Variants in ESR1 observed in about 807,000 individuals in gnomAD.
ESR1 encodes the protein estrogen receptor.
In ESR1, 12 loss-of-function variants were observed where a neutral mutation model predicts 52.7. The ratio of observed to expected loss-of-function variants is 0.23; its 90% CI spans 0.15 to 0.37. The LOEUF (loss-of-function observed/expected upper bound fraction) is 0.37, where lower values mean the gene tolerates loss of function less well. ESR1 is among the 10% of genes least tolerant of loss of function. ESR1 has a pLI of 1.00. For synonymous variants in ESR1, 305 were observed against 316.8 expected (o/e 0.96, Z 0.39); for missense variants, 584 against 779.7 (o/e 0.75, Z 2.99).
chr6:151,867,927 A>G (rs1189634606), intron 2 of ESR1, among the ~76,000 whole-genome samples: 1 of 152,168 alleles, frequency 6.6e-6, no homozygotes, highest in African/African-American at 2.4e-5. Context: ...TTTGTTCATT[A>G]ATCCTTTTTT....
Position 151,691,558 on chromosome 6 carries a change from C to T in ESR1, c.-202+894C>T, listed in dbSNP as rs371854515. Reference sequence around the variant, plus strand: ...GTTGGGCTTAATCAGGACTTGTGATCATGGCAATGGTTCCTGCTTAAAGGT... The same window carrying T: ...GTTGGGCTTAATCAGGACTTGTGATTATGGCAATGGTTCCTGCTTAAAGGT... On this transcript the variant is annotated intron_variant, in intron 1 of 2. Transcript: ENST00000404742. Among the ~76,000 whole-genome samples the T allele has an allele frequency of 7.3e-4, 111 of 152,320 alleles. 4 individuals carry two copies. The South Asian group carries it at 0.022, about 30-fold the overall frequency.
At chr6:151,896,840 C>T (rs1486054274) in intron 3 of ESR1, among the ~76,000 whole-genome samples, 2 of 152,084 alleles carry the variant, frequency 1.3e-5, no homozygotes, top group African/African-American at 4.8e-5. Flanking sequence ...TTCCTCTTCG[C>T]ATTGCTTTTG....
chr6:151,713,309 T>C (rs1780766890), intron 2 of ESR1, among the ~76,000 whole-genome samples: 2 of 152,194 alleles, frequency 1.3e-5, no homozygotes, highest in African/African-American at 4.8e-5. Context: ...CTTTTTTTGT[T>C]GTGTCTCTGC....
intron 2 of ESR1, among the ~76,000 whole-genome samples, chr6:151,846,279 G>T (rs1442272957): frequency 6.6e-6 from 1 of 152,208 alleles, no homozygotes; most frequent in Non-Finnish European, 1.5e-5. Context: ...CCTAGACTGT[G>T]TAAAAACCAA....
At chr6:152,119,053 AG>A (rs1270778957) in intron 6 of ESR1, among the ~76,000 whole-genome samples, 9 of 152,334 alleles carry the variant, frequency 5.9e-5, no homozygotes, top group African/African-American at 2.2e-4. Context: ...GGCTGCTTTC[AG>A]GCAGCCCAGA....
At chr6:151,768,472 G>T (rs1785241944) in intron 2 of ESR1, among the ~76,000 whole-genome samples, 1 of 152,158 alleles carries the variant, frequency 6.6e-6, no homozygotes, top group Non-Finnish European at 1.5e-5. Flanking sequence ...TCCTGAATTG[G>T]GTCTTGGGTC....
intron 2 of ESR1, among the ~76,000 whole-genome samples, chr6:151,794,069 A>G (rs1265684739): frequency 6.6e-6 from 1 of 152,264 alleles, no homozygotes; most frequent in Admixed American, 6.5e-5. Context: ...GAGGGTTAGC[A>G]TAAACTCTCC....
chr6:151,688,359 A>G (rs1778768869), upstream of ESR1, among the ~76,000 whole-genome samples: 1 of 152,220 alleles, frequency 6.6e-6, no homozygotes, highest in South Asian at 2.1e-4. Flanking sequence ...ATGGAGCTTT[A>G]AAAGCATGGA....
chr6:151,899,623 G>A (rs1472214256), intron 3 of ESR1, among the ~76,000 whole-genome samples: 4 of 150,772 alleles, frequency 2.7e-5, no homozygotes, highest in Non-Finnish European at 3.0e-5. Context: ...GGGCGGAGAC[G>A]CTCCTCACTT....
At chr6:152,031,006 A>G (rs960668247) in intron 5 of ESR1, among the ~76,000 whole-genome samples, 19 of 152,192 alleles carry the variant, frequency 1.2e-4, no homozygotes, top group Non-Finnish European at 2.2e-4. Context: ...GCTCAACTAC[A>G]TGGAAACTGA....
At chr6:151,878,427 G>A (rs901883212) in intron 2 of ESR1, among the ~76,000 whole-genome samples, 2 of 152,178 alleles carry the variant, frequency 1.3e-5, no homozygotes, top group African/African-American at 4.8e-5. Flanking sequence ...GAGTGCAAAT[G>A]TTAATTTGAT....
chr6:151,696,043 T>C (rs1323338125), intron 1 of ESR1, among the ~76,000 whole-genome samples: 2 of 152,254 alleles, frequency 1.3e-5, no homozygotes, highest in Non-Finnish European at 2.9e-5. Flanking sequence ...TAGAATCCAA[T>C]ATATGCATAG....
chr6:152,086,908 C>T (rs1437339198), intron 6 of ESR1, among the ~76,000 whole-genome samples: 1 of 152,042 alleles, frequency 6.6e-6, no homozygotes, highest in Non-Finnish European at 1.5e-5. Flanking sequence ...TTCAGGTGAA[C>T]AATTACACAT....
intron 2 of ESR1, among the ~76,000 whole-genome samples, chr6:151,765,891 T>C (rs766885490): frequency 2.2e-4 from 33 of 152,316 alleles, no homozygotes; most frequent in Admixed American, 1.1e-3. Flanking sequence ...ATTACAGAAC[T>C]GTTATCAAAA....
intron 3 of ESR1, among the ~76,000 whole-genome samples, chr6:151,919,457 G>A (rs1030733825): frequency 2.6e-5 from 4 of 152,008 alleles, no homozygotes; most frequent in African/African-American, 9.7e-5. Flanking sequence ...TGTTTTTAGT[G>A]GTCTTAGAAC....
At chr6:151,970,956 T>G (rs145045314) in intron 4 of ESR1, among the ~76,000 whole-genome samples, 110 of 152,330 alleles carry the variant, frequency 7.2e-4, no homozygotes, top group African/African-American at 2.6e-3. Flanking sequence ...GTTTGTATCT[T>G]TACTCTGTTA....
At chr6:151,867,226 T>C (rs867845944) in intron 2 of ESR1, among the ~76,000 whole-genome samples, 5 of 152,006 alleles carry the variant, frequency 3.3e-5, no homozygotes, top group East Asian at 1.9e-4. Flanking sequence ...ATGACTAAAA[T>C]ACCAAAAGCA....
chr6:151,845,300 G>C (rs2128238823), intron 2 of ESR1, among the ~76,000 whole-genome samples: 1 of 152,340 alleles, frequency 6.6e-6, no homozygotes, highest in East Asian at 1.9e-4. Context: ...AGCTGGCGTG[G>C]TGGCTCAGGC....
chr6:151,997,926 T>G lies in ESR1; in HGVS notation c.1097-13730T>G, dbSNP rs544535859. ...CGGGGAGGGAAAGAGCGCTTAGAGG[T>G]GTCCCCAAAGCTTTCAGAAGTGATG... is the stretch of plus-strand genomic sequence containing the variant. On this transcript the variant is annotated intron_variant, in intron 4 of 7. Coordinates refer to ENST00000206249, the MANE Select transcript of ESR1 (RefSeq NM_000125.4). Among the ~76,000 whole-genome samples, 12 of 151,270 alleles carry G rather than the reference T, an allele frequency of 7.9e-5. 1 individual carries two copies. In the South Asian group the frequency reaches 2.5e-3, roughly 32 times the overall value.
Sources: gnomAD v4.1 joint callset for allele counts (sites outside exome capture counted in the v4.1 genomes callset) on GRCh38, gnomAD v4.1.1 for gene constraint, MANE v1.5 for transcripts, NCBI Gene and HGNC (gene_info 2026-07-23, HGNC 2026-07-21) for gene names.